PCDH17: variants seen among roughly 807,000 people sequenced by gnomAD.
PCDH17 encodes the protein protocadherin 17.
In PCDH17, 21 loss-of-function variants were observed where a neutral mutation model predicts 67.7. The ratio of observed to expected loss-of-function variants is 0.31; its 90% confidence interval spans 0.22 to 0.45. The LOEUF is 0.45. Ranked by LOEUF, PCDH17 falls within the 20% of genes least tolerant of loss-of-function variation. The probability of loss-of-function intolerance (pLI) is 1.00; values close to 1 mark genes in which losing one functional copy is unlikely to be tolerated. For missense variants in PCDH17, 1,471 were observed against 1,564.8 expected (o/e 0.94, Z 1.01); for synonymous variants, 701 against 656.7 (o/e 1.07, Z -1.03).
chr13:57,698,268 G>A (rs1050368731), intron 3 of PCDH17, among the ~76,000 whole-genome samples: 1 of 151,290 alleles, frequency 6.6e-6, no homozygotes, highest in African/African-American at 2.4e-5. Context: ...CATAGAGTTT[G>A]TCTTGTTTAG....
In PCDH17 at chr13:57,657,470, TTA is replaced by T. The variant is rs10539355; in HGVS notation, c.2566-8996_2566-8995del. Among the ~76,000 whole-genome samples the T allele has an allele frequency of 8.0e-3, 1,220 of 152,318 alleles. 19 individuals are homozygous for T. Among genetic ancestry groups the T allele is most frequent in the African/African-American group, 0.027 (1,130 of 41,574 alleles). ...CAGCCATAGGTGCTGTCAGATAACTTTATGAGTGGTGGCTTAAAATGCCGTTG... is the reference window on the plus strand; with the variant it reads ...CAGCCATAGGTGCTGTCAGATAACTTTGAGTGGTGGCTTAAAATGCCGTTG... On this transcript the variant is annotated intron_variant, in intron 1 of 3. Transcript: ENST00000377918.
At chr13:57,713,067 A>G (rs191436884) in intron 3 of PCDH17, among the ~76,000 whole-genome samples, 51 of 151,786 alleles carry the variant, frequency 3.4e-4, no homozygotes, top group African/African-American at 1.2e-3. Context: ...AGCCCTCTCC[A>G]GTAGCTTTTT....
chr13:57,691,817 T>C (rs1235818325), intron 3 of PCDH17, among the ~76,000 whole-genome samples: 1 of 151,202 alleles, frequency 6.6e-6, no homozygotes, highest in African/African-American at 2.4e-5. Context: ...ATGTAGAGTT[T>C]CCTTACATAT....
At chr13:57,686,096 A>T (rs1955504729) in intron 3 of PCDH17, among the ~76,000 whole-genome samples, 2 of 151,776 alleles carry the variant, frequency 1.3e-5, no homozygotes, top group Non-Finnish European at 2.9e-5. Context: ...CTCTGAAAAA[A>T]AAAAGTGTTG....
At position 57,728,761 on chromosome 13, in the gene PCDH17, G is replaced by T. The variant is rs1158258487; in HGVS notation, c.*3467G>T. ...CCTGGTTGAGAAACTAACTTGTTTTGTTTTCCAAAATTAGCTGAAATCTTG... is the reference window on the plus strand; with the variant it reads ...CCTGGTTGAGAAACTAACTTGTTTTTTTTTCCAAAATTAGCTGAAATCTTG... On this transcript the variant is annotated 3_prime_UTR_variant, in exon 4 of 4. Transcript: ENST00000377918. 6.6e-6 allele frequency: 1 copy of T among 151,930 alleles called. No homozygotes were observed. 9.4% of individuals were successfully genotyped at this position (151,930 alleles called of 1,614,324 possible).
At position 57,634,576 on chromosome 13, in the gene PCDH17, C is replaced by T. The variant is rs1192666429; in HGVS notation, c.2030C>T (p.Ala677Val). ...GGCAAGCCTACCCTGTCCGCAGTGG[C>T]CAAGCTCATCATCCGCTCGGTGAGC... is the stretch of plus-strand genomic sequence containing the variant. ...DHGKPTLSAV[A>V]KLIIRSVSGS... The change falls in exon 1 of 4, where the codon GCC becomes GTC. Residue 677 changes from alanine to valine, a missense_variant. Around this residue, in one of 3 missense-constraint regions of PCDH17, gnomAD observed 1,163 missense variants for 1,230.0 expected, o/e 0.95. Coordinates refer to ENST00000377918, the MANE Select transcript of PCDH17 (RefSeq NM_001040429.3). This position sits in a 1 kb window ranked among gnomAD's most constrained non-coding sequence, Gnocchi z 7.8. 6.2e-7 allele frequency: 1 copy of T among 1,613,300 alleles called. No homozygotes were observed.
At chr13:57,692,565 A>T (rs1296615154) in intron 3 of PCDH17, among the ~76,000 whole-genome samples, 1 of 151,294 alleles carries the variant, frequency 6.6e-6, no homozygotes, top group Non-Finnish European at 1.5e-5. Flanking sequence ...TTAAAATGCT[A>T]TATGTATTTC....
intron 3 of PCDH17, among the ~76,000 whole-genome samples, chr13:57,676,914 G>A (rs1296703461): frequency 6.6e-6 from 1 of 151,936 alleles, no homozygotes; most frequent in African/African-American, 2.4e-5. Context: ...CCAAATATGT[G>A]ACCATGCATG....
chr13:57,654,089 TATTTTATCTGCAGG>T (rs1955075084), intron 1 of PCDH17, among the ~76,000 whole-genome samples: 1 of 152,174 alleles, frequency 6.6e-6, no homozygotes, highest in Non-Finnish European at 1.5e-5. Flanking sequence ...TCATCTTTAA[TATTTTATCTGCAGG>T]AATGTGCAGA....
intron 3 of PCDH17, among the ~76,000 whole-genome samples, chr13:57,680,747 G>A (rs1955440772): frequency 6.6e-6 from 1 of 151,570 alleles, no homozygotes; most frequent in South Asian, 2.1e-4. Flanking sequence ...TTTAATTGCT[G>A]TGCCCAAGAC....
In PCDH17 at chr13:57,634,192, A is replaced by G; in HGVS notation, c.1646A>G (p.Glu549Gly). 2 of 1,613,394 alleles carry G rather than the reference A, an allele frequency of 1.2e-6. No individual in the cohort carries two copies. Among genetic ancestry groups the G allele is most frequent in the Non-Finnish European group, 1.7e-6 (2 of 1,180,008 alleles). The change falls in exon 1 of 4, where the codon GAG becomes GGG. Residue 549 changes from glutamate to glycine, a missense_variant. By Grantham distance (98) the Glu-to-Gly change is moderately conservative. This residue lies in a region of PCDH17 where 1,163 missense variants were observed against 1,230.0 expected (regional missense o/e 0.95). Coordinates refer to ENST00000377918, the MANE Select transcript of PCDH17 (RefSeq NM_001040429.3). The surrounding 1 kb of genome is among the most constrained non-coding windows in gnomAD (Gnocchi z 7.8). ...AACTTCGAGCAGACCAAGGCTTTTG[A>G]GTTCAAGGTGCTTGCTAAGGACTCG... ...SFNFEQTKAFEFKVLAKDSGA... is the reference protein window; with the variant it reads ...SFNFEQTKAFGFKVLAKDSGA...
Position 57,633,860 on chromosome 13 carries a change from C to T in PCDH17, c.1314C>T (p.Tyr438=), listed in dbSNP as rs755098484. The stretch of plus-strand genomic sequence containing the variant: ...TGGACCGCGAGACACAAGACGAGTA[C>T]AACGTGACCATCGTGGCGCGGGACG... The part of the protein sequence containing the change: ...RPLDRETQDE[Y]NVTIVARDGG... The change falls in exon 1 of 4, where the codon TAC becomes TAT. Residue 438 remains tyrosine, a synonymous_variant. Coordinates refer to ENST00000377918, the MANE Select transcript of PCDH17 (RefSeq NM_001040429.3). This position sits in a 1 kb window ranked among gnomAD's most constrained non-coding sequence, Gnocchi z 6.2. 10 of 1,613,094 alleles carry T rather than the reference C, an allele frequency of 6.2e-6. No homozygotes were observed. In the South Asian group the frequency reaches 7.7e-5, roughly 12 times the overall value.
chr13:57,649,499 G>A (rs1955009476), intron 1 of PCDH17, among the ~76,000 whole-genome samples: 2 of 152,148 alleles, frequency 1.3e-5, no homozygotes. Context: ...TAACTTTGAT[G>A]TAAGCCACAT....
chr13:57,648,306 C>T (rs1342651001), intron 1 of PCDH17, among the ~76,000 whole-genome samples: 1 of 151,832 alleles, frequency 6.6e-6, no homozygotes, highest in Non-Finnish European at 1.5e-5. Context: ...GTAGAATCAA[C>T]ATGTTGGAAA....
At chr13:57,641,574 AAAAAAAAAAAAAAATATAT>A (rs1300858213) in intron 1 of PCDH17, among the ~76,000 whole-genome samples, 3 of 73,154 alleles carry the variant, frequency 4.1e-5, no homozygotes, top group African/African-American at 1.5e-4. Flanking sequence ...AAAAAAAAAA[AAAAAAAAAAAAAAATATAT>A]ATATATATAT....
At chr13:57,653,845 A>G (rs944611917) in intron 1 of PCDH17, among the ~76,000 whole-genome samples, 3 of 152,114 alleles carry the variant, frequency 2.0e-5, no homozygotes, top group African/African-American at 4.8e-5. Context: ...TTTTGTTTTC[A>G]GGTGTTCCCA....
At chr13:57,655,939 T>G (rs984642609) in intron 1 of PCDH17, among the ~76,000 whole-genome samples, 11 of 152,152 alleles carry the variant, frequency 7.2e-5, no homozygotes, top group African/African-American at 2.7e-4. Context: ...AATGGTTCAT[T>G]ATTTTTCTCC....
chr13:57,639,178 T>A lies in PCDH17; in HGVS notation c.2565+4067T>A, dbSNP rs147295257. 8.0e-3 allele frequency among the ~76,000 whole-genome samples: 1,216 copies of A among 152,038 alleles called. 19 individuals are homozygous for A. Among genetic ancestry groups the A allele is most frequent in the African/African-American group, 0.027 (1,126 of 41,536 alleles). Reference sequence around the variant, plus strand: ...GGATTGTTTAGTTCACTCATCCTTTTTCTTAAATATTTTGAAAAGGTAGAA... The same window carrying A: ...GGATTGTTTAGTTCACTCATCCTTTATCTTAAATATTTTGAAAAGGTAGAA... On this transcript the variant is annotated intron_variant, in intron 1 of 3. Coordinates refer to ENST00000377918, the MANE Select transcript of PCDH17 (RefSeq NM_001040429.3).
chr13:57,637,701 A>C (rs1385725702), intron 1 of PCDH17, among the ~76,000 whole-genome samples: 1 of 152,016 alleles, frequency 6.6e-6, no homozygotes, highest in Non-Finnish European at 1.5e-5. Flanking sequence ...GGAAGTACAG[A>C]GTATTCTATT....
Sources: gnomAD v4.1 joint callset for allele counts (sites outside exome capture counted in the v4.1 genomes callset) on GRCh38, gnomAD v4.1.1 for gene constraint, gnomAD v4.1.1 regional missense constraint, Gnocchi (gnomAD v3.1) non-coding constraint, MANE v1.5 for transcripts, NCBI Gene and HGNC (gene_info 2026-07-23, HGNC 2026-07-21) for gene names.